PLAGL1: variants seen among roughly 807,000 people sequenced by gnomAD.
PLAGL1 encodes the protein PLAG1 like zinc finger 1.
In PLAGL1, 1 loss-of-function variant was observed where a neutral mutation model predicts 4.6. The observed-to-expected ratio is 0.22, with a 90% CI of 0.08 to 1.03. The LOEUF (loss-of-function observed/expected upper bound fraction) is 1.03, where lower values mean the gene tolerates loss of function less well. PLAGL1 is among the 50% of genes least tolerant of loss of function. The pLI is 0.58. For synonymous variants in PLAGL1, 240 were observed against 237.8 expected, an observed-to-expected ratio of 1.01 and a Z score of -0.08; for missense variants, 464 against 570.4, an observed-to-expected ratio of 0.81 and a Z score of 1.90.
rs1778798347 is a variant in PLAGL1, at chr6:143,942,252, G to A, written c.564C>T (p.Phe188=). 6.2e-7 allele frequency: 1 copy of A among 1,614,148 alleles called. No homozygotes were observed. Among genetic ancestry groups the A allele is most frequent in the African/African-American group, 1.3e-5 (1 of 75,046 alleles). ...CCTTGCGCCCAAATCTCTGGGCACA[G>A]AACTGGCACAGGAAGTCCTTGCATC... ...HTGCKDFLCQ[F]CAQRFGRKDH... The change falls in exon 8 of 8, where the codon TTC becomes TTT. Residue 188 remains phenylalanine, a synonymous_variant. Transcript: ENST00000674357. The surrounding 1 kb of genome is among the most constrained non-coding windows in gnomAD (Gnocchi z 7.6).
At chr6:143,987,591 G>A (rs1195440852) in intron 1 of PLAGL1, among the ~76,000 whole-genome samples, 4 of 151,878 alleles carry the variant, frequency 2.6e-5, no homozygotes, top group Non-Finnish European at 5.9e-5. Flanking sequence ...AGATCAGGGT[G>A]AAGGAAACCC....
chr6:144,018,508 T>G (rs1795726286), intron 1 of PLAGL1, among the ~76,000 whole-genome samples: 1 of 152,212 alleles, frequency 6.6e-6, no homozygotes, highest in Admixed American at 6.5e-5. Flanking sequence ...ACTTGAAAAT[T>G]GCAGATTTTA....
chr6:144,026,723 T>A (rs1239055048), intron 1 of PLAGL1, among the ~76,000 whole-genome samples: 1 of 152,192 alleles, frequency 6.6e-6, no homozygotes, highest in Non-Finnish European at 1.5e-5. Flanking sequence ...TAGATTACAT[T>A]CACAAGAACA....
Position 144,016,054 on chromosome 6 carries a change from A to T in PLAGL1, c.-150-47076T>A, listed in dbSNP as rs1309005461. Reference sequence around the variant, plus strand: ...CACTGTGCGGAGTCAAAGAAATCATATTGTATTAGTCAGGGTTCTCTAGAG... The same window carrying T: ...CACTGTGCGGAGTCAAAGAAATCATTTTGTATTAGTCAGGGTTCTCTAGAG... On this transcript the variant is annotated intron_variant, in intron 1 of 3. Transcript: ENST00000437412. This position sits in a 1 kb window ranked among gnomAD's most constrained non-coding sequence, Gnocchi z 4.2. Among the ~76,000 whole-genome samples, 1 of 152,172 alleles carries T rather than the reference A, an allele frequency of 6.6e-6. No homozygotes were observed. Among genetic ancestry groups the T allele is most frequent in the Non-Finnish European group, 1.5e-5 (1 of 68,042 alleles).
rs1268259021 is a variant in PLAGL1 at position 143,947,101 on chromosome 6, G to A, written c.152+884C>T. Among the ~76,000 whole-genome samples the A allele has an allele frequency of 6.6e-6, 1 of 152,184 alleles. No individual in the cohort carries two copies. The highest frequency in any genetic ancestry group is 1.9e-4 in the East Asian group (1 of 5,202). On this transcript the variant is annotated intron_variant, in intron 7 of 7. Coordinates refer to ENST00000674357, the MANE Select transcript of PLAGL1 (RefSeq NM_001317162.2). This position sits in a 1 kb window ranked among gnomAD's most constrained non-coding sequence, Gnocchi z 4.3. ...TGTAATTTTTTAAAAAGACTCATCTGCTAAAACAGTGCTTTTTATCCTTTG... is the reference window on the plus strand; with the variant it reads ...TGTAATTTTTTAAAAAGACTCATCTACTAAAACAGTGCTTTTTATCCTTTG...
chr6:144,023,768 C>CTTT (rs34002736), intron 1 of PLAGL1, among the ~76,000 whole-genome samples: 1,163 of 72,650 alleles, frequency 0.016, 202 homozygotes, highest in African/African-American at 0.059. Flanking sequence ...TCATATTTAG[C>CTTT]TTTTTTTTTT....
chr6:143,943,535 CACT>C (rs1779110517), intron 7 of PLAGL1, among the ~76,000 whole-genome samples: 1 of 151,770 alleles, frequency 6.6e-6, no homozygotes, highest in Non-Finnish European at 1.5e-5. Flanking sequence ...GAGATCTCAC[CACT>C]GTCTTGATTT....
In PLAGL1 at chr6:143,982,575, A is replaced by C. The variant is rs1258957037; in HGVS notation, c.-544+2560T>G. On this transcript the variant is annotated intron_variant, in intron 2 of 7. Coordinates refer to ENST00000674357, the MANE Select transcript of PLAGL1 (RefSeq NM_001317162.2). This position sits in a 1 kb window ranked among gnomAD's most constrained non-coding sequence, Gnocchi z 5.3. ...AGTGAATTCTAGGGGAGAAAGTATG[A>C]AACCAGGGAGACCAGTTAGAAGGCT... Among the ~76,000 whole-genome samples the C allele has an allele frequency of 2.0e-5, 3 of 152,176 alleles. No individual in the cohort carries two copies. The highest frequency in any genetic ancestry group is 4.4e-5 in the Non-Finnish European group (3 of 68,028).
Position 144,059,668 on chromosome 6 carries a change from T to C in PLAGL1, c.-151+4800A>G, listed in dbSNP as rs6911988. 0.045 allele frequency among the ~76,000 whole-genome samples: 6,917 copies of C among 152,272 alleles called. 523 individuals carry two copies. The highest frequency in any genetic ancestry group is 0.16 in the African/African-American group (6,508 of 41,530). On this transcript the variant is annotated intron_variant, in intron 1 of 3. Coordinates refer to the PLAGL1 transcript ENST00000437412. This position sits in a 1 kb window ranked among gnomAD's most constrained non-coding sequence, Gnocchi z 4.9. Reference sequence around the variant, plus strand: ...CTATTCAGCAAATAGCTACCACCCATCATAGCCACTCACTAAATCTATCAC... The same window carrying C: ...CTATTCAGCAAATAGCTACCACCCACCATAGCCACTCACTAAATCTATCAC...
rs192888468 is a variant in PLAGL1, at chr6:143,994,489, G to A, written c.-583-9315C>T. On this transcript the variant is annotated intron_variant, in intron 1 of 7. Coordinates refer to ENST00000674357, the MANE Select transcript of PLAGL1 (RefSeq NM_001317162.2). The surrounding 1 kb of genome is among the most constrained non-coding windows in gnomAD (Gnocchi z 4.3). ...CTGATTTTACACTCTGCAGAAGTGCGGACAGATTTAACAAGGCAGCCCTAC... is the reference window on the plus strand; with the variant it reads ...CTGATTTTACACTCTGCAGAAGTGCAGACAGATTTAACAAGGCAGCCCTAC... Among the ~76,000 whole-genome samples, 11 of 152,230 alleles carry A rather than the reference G, an allele frequency of 7.2e-5. No individual in the cohort carries two copies. Among genetic ancestry groups the A allele is most frequent in the East Asian group, 1.9e-4 (1 of 5,180 alleles).
chr6:143,941,602 A>G lies in PLAGL1; in HGVS notation c.1214T>C (p.Leu405Pro). 6.2e-7 allele frequency: 1 copy of G among 1,612,434 alleles called. No individual in the cohort carries two copies. ...QNTFGNSTLA[L>P]GPGESLPHRL... ...GTGGGGCAAAGATTCCCCAGGCCCC[A>G]GGGCAAGAGTGCTATTCCCAAAGGT... Residue 405 changes from leucine to proline, a missense_variant, in exon 8 of 8, where the codon CTG becomes CCG. Leu to Pro is a moderately conservative substitution (Grantham distance 98). Around this residue, in one of 4 missense-constraint regions of PLAGL1, gnomAD observed 248 missense variants for 250.1 expected, o/e 0.99. Transcript: ENST00000674357. The surrounding 1 kb of genome is among the most constrained non-coding windows in gnomAD (Gnocchi z 6.0).
chr6:143,985,982 TTA>T lies in PLAGL1; in HGVS notation c.-583-810_-583-809del, dbSNP rs55768066. The stretch of plus-strand genomic sequence containing the variant: ...TATATCAAATTATATATATATAAAA[TTA>T]TATATATATATATATATATATATAT... On this transcript the variant is annotated intron_variant, in intron 1 of 7. Coordinates refer to ENST00000674357, the MANE Select transcript of PLAGL1 (RefSeq NM_001317162.2). The surrounding 1 kb of genome is among the most constrained non-coding windows in gnomAD (Gnocchi z 4.4). Among the ~76,000 whole-genome samples the T allele has an allele frequency of 0.02, 2,189 of 111,532 alleles. 77 individuals are homozygous for T. Among genetic ancestry groups the T allele is most frequent in the African/African-American group, 0.054 (1,547 of 28,872 alleles). The allele number at this position is 111,532 out of a possible 152,430, so 73.2% of individuals were successfully genotyped here. A position where few individuals can be genotyped will look rare whatever the true frequency, so the allele number is the denominator to read the frequency against.
chr6:144,040,658 C>T (rs1241551465), intron 1 of PLAGL1, among the ~76,000 whole-genome samples: 2 of 152,222 alleles, frequency 1.3e-5, no homozygotes, highest in African/African-American at 4.8e-5. Context: ...AGTCAGATCA[C>T]TTGAGGCCAG....
In PLAGL1 at chr6:143,984,624, C is replaced by T. The variant is rs1788634238; in HGVS notation, c.-544+511G>A. Among the ~76,000 whole-genome samples, 2 of 151,990 alleles carry T rather than the reference C, an allele frequency of 1.3e-5. No individual in the cohort carries two copies. Among genetic ancestry groups the T allele is most frequent in the African/African-American group, 2.4e-5 (1 of 41,370 alleles). On this transcript the variant is annotated intron_variant, in intron 2 of 7. Coordinates refer to ENST00000674357, the MANE Select transcript of PLAGL1 (RefSeq NM_001317162.2). The surrounding 1 kb of genome is among the most constrained non-coding windows in gnomAD (Gnocchi z 5.5). ...TAGAATCTGTCAGAGAATGCAAATC[C>T]TTGTTAAGTTACTTTGTAACAATAT...
At position 144,000,573 on chromosome 6, in the gene PLAGL1, T is replaced by G. The variant is rs1367282030; in HGVS notation, c.-584+7517A>C. On this transcript the variant is annotated intron_variant, in intron 1 of 7. Transcript: ENST00000674357. This position sits in a 1 kb window ranked among gnomAD's most constrained non-coding sequence, Gnocchi z 4.1. ...TTGAGTATTGCAAATATACCCATTC[T>G]TCTCATATTGATCTATAAATTCAAA... Among the ~76,000 whole-genome samples, 1 of 152,170 alleles carries G rather than the reference T, an allele frequency of 6.6e-6. No individual in the cohort carries two copies. The highest frequency in any genetic ancestry group is 1.5e-5 in the Non-Finnish European group (1 of 67,992).
chr6:144,040,516 G>A (rs1032239086), intron 1 of PLAGL1, among the ~76,000 whole-genome samples: 4 of 151,782 alleles, frequency 2.6e-5, no homozygotes, highest in Admixed American at 1.3e-4. Context: ...GTGACAGAGG[G>A]AGACTCAGTC....
At position 143,979,482 on chromosome 6, in the gene PLAGL1, TTATAAC is replaced by T. The variant is rs1295081936; in HGVS notation, c.-544+5647_-544+5652del. Among the ~76,000 whole-genome samples, 1 of 152,126 alleles carries T rather than the reference TTATAAC, an allele frequency of 6.6e-6. No individual in the cohort carries two copies. Among genetic ancestry groups the T allele is most frequent in the Non-Finnish European group, 1.5e-5 (1 of 67,958 alleles). On this transcript the variant is annotated intron_variant, in intron 2 of 7. Coordinates refer to ENST00000674357, the MANE Select transcript of PLAGL1 (RefSeq NM_001317162.2). The surrounding 1 kb of genome is among the most constrained non-coding windows in gnomAD (Gnocchi z 4.6). Reference sequence around the variant, plus strand: ...TTTCTCTAGTTTTATCTCCTTTGGCTTATAACTATGTTTTGATATCTTCGTGGTTGC... The same window carrying T: ...TTTCTCTAGTTTTATCTCCTTTGGCTTATGTTTTGATATCTTCGTGGTTGC...
chr6:144,024,151 A>G (rs578211806), intron 1 of PLAGL1, among the ~76,000 whole-genome samples: 1 of 152,262 alleles, frequency 6.6e-6, no homozygotes, highest in Non-Finnish European at 1.5e-5. Flanking sequence ...ATCCACCTAT[A>G]TATTTCCTAG....
At position 144,015,469 on chromosome 6, in the gene PLAGL1, A is replaced by T. The variant is rs1277489345; in HGVS notation, c.-150-46491T>A. 1.3e-5 allele frequency among the ~76,000 whole-genome samples: 2 copies of T among 152,222 alleles called. No homozygotes were observed. The highest frequency in any genetic ancestry group is 3.8e-4 in the East Asian group (2 of 5,206). The stretch of plus-strand genomic sequence containing the variant: ...AAATAAAACCTGATCTTTAAAAGAG[A>T]CCATTAAGGAAAAAAATCTAAGCCA... On this transcript the variant is annotated intron_variant, in intron 1 of 3. Transcript: ENST00000437412. The surrounding 1 kb of genome is among the most constrained non-coding windows in gnomAD (Gnocchi z 4.3).
Sources: gnomAD v4.1 joint callset for allele counts (sites outside exome capture counted in the v4.1 genomes callset) on GRCh38, gnomAD v4.1.1 for gene constraint, gnomAD v4.1.1 regional missense constraint, Gnocchi (gnomAD v3.1) non-coding constraint, MANE v1.5 for transcripts, NCBI Gene and HGNC (gene_info 2026-07-23, HGNC 2026-07-21) for gene names.